DOC2A: variants seen among roughly 807,000 people sequenced by gnomAD.
DOC2A encodes double C2 domain alpha.
DOC2A carries 28 observed loss-of-function variants against 40.6 expected under a neutral mutation model. That is an observed-to-expected ratio of 0.69 (90% CI 0.51 to 0.95). The LOEUF (loss-of-function observed/expected upper bound fraction) is 0.95. Among genes scored for constraint, DOC2A ranks in the 40% least tolerant of loss-of-function variants. The pLI is 0.00. For missense variants in DOC2A, 474 were observed against 552.5 expected, an observed-to-expected ratio of 0.86 and a Z score of 1.42; for synonymous variants, 241 against 236.9, an observed-to-expected ratio of 1.02 and a Z score of -0.16.
chr16:30,022,490 G>GT (rs1342334623), upstream of DOC2A, among the ~76,000 whole-genome samples: 8 of 151,910 alleles, frequency 5.3e-5, no homozygotes, highest in Non-Finnish European at 1.0e-4. Flanking sequence ...GGGCAACATA[G>GT]CAAGCCCTCA....
chr16:30,017,171 C>T (rs1436356839), upstream of DOC2A, among the ~76,000 whole-genome samples: 3 of 151,258 alleles, frequency 2.0e-5, no homozygotes, highest in African/African-American at 7.3e-5. Context: ...CCCAGCTACT[C>T]GGGAGGCTGA....
Position 30,009,621 on chromosome 16 carries a change from G to C in DOC2A, c.263-64C>G, listed in dbSNP as rs2070719391. ...ACAGGTGTGTGCGAGAGGCCAGCAG[G>C]TGGGCACTGGCTCTGTGTGTCTCTC... On this transcript the variant is annotated intron_variant, in intron 2 of 10. Transcript: ENST00000350119. This position sits in a 1 kb window ranked among gnomAD's most constrained non-coding sequence, Gnocchi z 4.1. 1 of 1,388,170 alleles carries C rather than the reference G, an allele frequency of 7.2e-7. No homozygotes were observed. 86.0% of individuals were successfully genotyped at this position (1,388,170 alleles called of 1,614,324 possible). A position where few individuals can be genotyped will look rare whatever the true frequency, so the allele number is the denominator to read the frequency against.
chr16:30,020,515 T>G (rs2070897051), intron 1 of DOC2A, among the ~76,000 whole-genome samples: 1 of 151,976 alleles, frequency 6.6e-6, no homozygotes, highest in African/African-American at 2.4e-5. Flanking sequence ...GAGACCAGCC[T>G]GGGCAACATA....
chr16:30,016,358 A>G (rs945546626), upstream of DOC2A, among the ~76,000 whole-genome samples: 8 of 152,030 alleles, frequency 5.3e-5, no homozygotes, highest in Admixed American at 2.0e-4. Context: ...CAATATTTCT[A>G]AAGTAAAGGC....
rs2070749886 is a variant in DOC2A, at chr16:30,010,502, T to C, written c.-13-267A>G. The C allele has an allele frequency of 1.8e-6, 1 of 554,764 alleles. No homozygotes were observed. Among genetic ancestry groups the C allele is most frequent in the East Asian group, 3.1e-5 (1 of 32,268 alleles). 34.4% of individuals were successfully genotyped at this position (554,764 alleles called of 1,614,324 possible). ...TCCTCACCCACCCACTTCTAGGTTG[T>C]CCCTGTATCATCTTGCCAGCTCCTT... On this transcript the variant is annotated intron_variant, in intron 1 of 10. Coordinates refer to ENST00000350119, the MANE Select transcript of DOC2A (RefSeq NM_003586.3). This position sits in a 1 kb window ranked among gnomAD's most constrained non-coding sequence, Gnocchi z 4.2.
intron 5 of DOC2A, 104 bp downstream of exon 5, chr16:30,008,892 C>T: frequency 1.2e-6 from 1 of 823,738 alleles, no homozygotes; most frequent in Non-Finnish European, 2.1e-6. Flanking sequence ...GGTTCTTGAG[C>T]ATCAGAGAGG....
Position 30,006,149 on chromosome 16 carries a change from C to T in DOC2A, c.*37G>A, listed in dbSNP as rs760960676. 11 of 1,550,304 alleles carry T rather than the reference C, an allele frequency of 7.1e-6. No homozygotes were observed. The highest frequency in any genetic ancestry group is 5.8e-5 in the Admixed American group (3 of 51,840). On this transcript the variant is annotated 3_prime_UTR_variant, in exon 11 of 11. Coordinates refer to ENST00000350119, the MANE Select transcript of DOC2A (RefSeq NM_003586.3). The surrounding 1 kb of genome is among the most constrained non-coding windows in gnomAD (Gnocchi z 6.2). ...TCGTGCGAAGGTTGGGTACTGGACC[C>T]GGCTCGATGGGCCTGTGCCGGGACA...
rs1192080619 is a variant in DOC2A, at chr16:30,006,523, C to T, written c.961-14G>A. The T allele has an allele frequency of 5.6e-6, 9 of 1,613,674 alleles. No homozygotes were observed. The highest frequency in any genetic ancestry group is 2.2e-5 in the South Asian group (2 of 91,060). ...GTAGAAAAACTCCTAGGGACAAGGC[C>T]GGCCACCCGTTCGTGAGCCAGCTCC... On this transcript the variant is annotated splice_polypyrimidine_tract_variant and intron_variant, in intron 9 of 10. Transcript: ENST00000350119. This position sits in a 1 kb window ranked among gnomAD's most constrained non-coding sequence, Gnocchi z 6.2.
In DOC2A at chr16:30,009,380, A is replaced by G. The variant is rs2070711054; in HGVS notation, c.342+98T>C. The G allele has an allele frequency of 6.7e-7, 1 of 1,485,862 alleles. No homozygotes were observed. Among genetic ancestry groups the G allele is most frequent in the South Asian group, 1.2e-5 (1 of 82,820 alleles). The allele number at this position is 1,485,862 out of a possible 1,614,324, so 92.0% of individuals were successfully genotyped here. A position where few individuals can be genotyped will look rare whatever the true frequency, so the allele number is the denominator to read the frequency against. ...GAGCCCAGAAGGAGGGGGCAAGGGC[A>G]GGACGAAGGAGCAGGCCTGGGAAGG... On this transcript the variant is annotated intron_variant, in intron 3 of 10. Coordinates refer to ENST00000350119, the MANE Select transcript of DOC2A (RefSeq NM_003586.3). The surrounding 1 kb of genome is among the most constrained non-coding windows in gnomAD (Gnocchi z 4.1).
At chr16:30,014,691 G>A (rs1402914438), upstream of DOC2A, among the ~76,000 whole-genome samples, 1 of 150,284 alleles carries the variant, frequency 6.7e-6, no homozygotes, top group African/African-American at 2.5e-5. Flanking sequence ...TGTAATCCCC[G>A]CAATTTGGGA....
chr16:30,011,536 T>A, upstream of DOC2A: 1 of 399,736 alleles, frequency 2.5e-6, no homozygotes, highest in Non-Finnish European at 3.3e-6. Flanking sequence ...CGACGCCGGC[T>A]CATCTCCCCC....
At position 30,009,968 on chromosome 16, in the gene DOC2A, A is replaced by C. The variant is rs369604822; in HGVS notation, c.255T>G (p.Asp85Glu). The C allele has an allele frequency of 2.5e-6, 4 of 1,610,960 alleles. No individual in the cohort carries two copies. The highest frequency in any genetic ancestry group is 3.4e-6 in the Non-Finnish European group (4 of 1,179,728). Residue 85 changes from aspartate to glutamate, a missense_variant, in exon 2 of 11, where the codon GAT becomes GAG. Asp to Glu is a conservative substitution (Grantham distance 45, BLOSUM62 2). Transcript: ENST00000350119. This position sits in a 1 kb window ranked among gnomAD's most constrained non-coding sequence, Gnocchi z 4.1. ...DGAEVDSYDS[D>E]DATALGTLEF... ...CCAAGCCCCCAGACTCACTGGCATCATCCGAGTCATAGCTGTCCACCTCCG... is the reference window on the plus strand; with the variant it reads ...CCAAGCCCCCAGACTCACTGGCATCCTCCGAGTCATAGCTGTCCACCTCCG...
At position 30,010,157 on chromosome 16, in the gene DOC2A, G is replaced by A. The variant is rs2070739703; in HGVS notation, c.66C>T (p.Cys22=). ...NIQEHMAINV[C]PGPIRPIRQI... ...GGCGGATGGGCCGGATGGGCCCGGGGCACACGTTGATGGCCATGTGCTCCT... is the reference window on the plus strand; with the variant it reads ...GGCGGATGGGCCGGATGGGCCCGGGACACACGTTGATGGCCATGTGCTCCT... Residue 22 remains cysteine (C), a synonymous_variant, in exon 2 of 11, where the codon TGC becomes TGT. Transcript: ENST00000350119. This position sits in a 1 kb window ranked among gnomAD's most constrained non-coding sequence, Gnocchi z 4.2. The A allele has an allele frequency of 2.5e-6, 4 of 1,613,980 alleles. No individual in the cohort carries two copies. Among genetic ancestry groups the A allele is most frequent in the Middle Eastern group, 1.7e-4 (1 of 6,060 alleles).
chr16:30,007,343 C>T (rs776468857), intron 5 of DOC2A, 44 bp from the exon 6 acceptor site: 1 of 1,613,012 alleles, frequency 6.2e-7, no homozygotes, highest in Non-Finnish European at 8.5e-7. Context: ...GTACCTGAGC[C>T]CCGTTCCGGG....
Position 30,010,078 on chromosome 16 carries a change from CG to C in DOC2A, c.144del (p.Gly49AlafsTer42). On this transcript the variant is annotated frameshift_variant, in exon 2 of 11. Transcript: ENST00000350119. LOFTEE classifies it high-confidence loss of function. This position sits in a 1 kb window ranked among gnomAD's most constrained non-coding sequence, Gnocchi z 4.2. ...ACCAGATGGGCGGGGGCCTCCCCGC[CG>C]CCCCCGCCGCCCCCTTCAGGTCCTG... ...RGPGPEGGGG[G>X]GGEAPAHLVP... 1 of 1,611,560 alleles carries C rather than the reference CG, an allele frequency of 6.2e-7. No homozygotes were observed.
chr16:30,017,985 AAAG>A (rs1415972036), intron 1 of DOC2A, among the ~76,000 whole-genome samples: 1 of 143,992 alleles, frequency 6.9e-6, no homozygotes, highest in Non-Finnish European at 1.5e-5. Context: ...AAAAGAAAGA[AAAG>A]AAAATTGAGG....
chr16:30,006,406 C>T lies in DOC2A; in HGVS notation c.1057+7G>A. On this transcript the variant is annotated splice_region_variant and intron_variant, in intron 10 of 10. Transcript: ENST00000350119. This position sits in a 1 kb window ranked among gnomAD's most constrained non-coding sequence, Gnocchi z 6.2. The stretch of plus-strand genomic sequence containing the variant: ...CCCTCAACACCCGCAGCCAGCTCCT[C>T]CCTCACCAATGAAGTCATTGGATTT... The T allele has an allele frequency of 1.2e-6, 2 of 1,613,808 alleles. No individual in the cohort carries two copies. Among genetic ancestry groups the T allele is most frequent in the Non-Finnish European group, 8.5e-7 (1 of 1,179,932 alleles).
At chr16:30,013,081 G>A (rs1340759140), upstream of DOC2A, among the ~76,000 whole-genome samples, 1 of 149,030 alleles carries the variant, frequency 6.7e-6, no homozygotes, top group East Asian at 2.0e-4. Context: ...TGGGCTGGGG[G>A]GAAGCTGAGA....
upstream of DOC2A, chr16:30,014,924 C>T (rs1381412189): frequency 6.6e-6 from 1 of 151,584 alleles, no homozygotes; most frequent in Non-Finnish European, 1.5e-5. Flanking sequence ...AACAAGACTC[C>T]ATCTCAGAAG....
Sources: gnomAD v4.1 joint callset for allele counts (sites outside exome capture counted in the v4.1 genomes callset) on GRCh38, gnomAD v4.1.1 for gene constraint, Gnocchi (gnomAD v3.1) non-coding constraint, MANE v1.5 for transcripts, NCBI Gene and HGNC (gene_info 2026-07-23, HGNC 2026-07-21) for gene names.